Variants in ATXN1 observed in about 807,000 individuals in gnomAD.
ATXN1 encodes the protein ataxin 1.
In ATXN1, 8 loss-of-function variants were observed where a neutral mutation model predicts 56.4. The ratio of observed to expected loss-of-function variants is 0.14; its 90% CI spans 0.08 to 0.26. ATXN1 has a LOEUF of 0.26. Ranked by LOEUF, ATXN1 falls within the 10% of genes least tolerant of loss-of-function variation. ATXN1 has a pLI of 1.00. For missense variants in ATXN1, 987 were observed against 1,106.5 expected, an observed-to-expected ratio of 0.89 and a Z score of 1.53; for synonymous variants, 514 against 494.6, an observed-to-expected ratio of 1.04 and a Z score of -0.52.
chr6:16,414,669 G>A (rs1444463042), intron 6 of ATXN1, among the ~76,000 whole-genome samples: 1 of 152,130 alleles, frequency 6.6e-6, no homozygotes, highest in Non-Finnish European at 1.5e-5. Context: ...GCTAAACCCA[G>A]TAGAGCCTCT....
At chr6:16,590,981 T>C (rs1361458766) in intron 3 of ATXN1, among the ~76,000 whole-genome samples, 1 of 152,112 alleles carries the variant, frequency 6.6e-6, no homozygotes, top group African/African-American at 2.4e-5. Context: ...TAGCTGGGAT[T>C]ACAGGCATGC....
At chr6:16,654,268 G>A (rs1168186319) in intron 3 of ATXN1, among the ~76,000 whole-genome samples, 5 of 152,116 alleles carry the variant, frequency 3.3e-5, no homozygotes, top group Non-Finnish European at 5.9e-5. Context: ...GCTCAGGGCC[G>A]GGCGCAGTGG....
At chr6:16,379,324 T>G (rs1762205434) in intron 6 of ATXN1, among the ~76,000 whole-genome samples, 1 of 152,132 alleles carries the variant, frequency 6.6e-6, no homozygotes, top group African/African-American at 2.4e-5. Flanking sequence ...ACTGCTCAGG[T>G]GATGGGTGCA....
chr6:16,324,749 C>G (rs953145428), intron 7 of ATXN1, among the ~76,000 whole-genome samples: 1 of 152,170 alleles, frequency 6.6e-6, no homozygotes, highest in South Asian at 2.1e-4. Context: ...ATCTAAGAAC[C>G]TGGAAAAGGG....
chr6:16,527,070 CA>C (rs1761410557), intron 4 of ATXN1, among the ~76,000 whole-genome samples: 1 of 148,842 alleles, frequency 6.7e-6, no homozygotes, highest in South Asian at 2.2e-4. Context: ...TAGAAGGTAT[CA>C]AAAATTAAAA....
intron 2 of ATXN1, among the ~76,000 whole-genome samples, chr6:16,726,631 G>A (rs890578643): frequency 1.4e-4 from 21 of 151,854 alleles, no homozygotes; most frequent in Non-Finnish European, 2.8e-4. Context: ...TTGGGAGGCC[G>A]AGGCGGGTGG....
At chr6:16,519,086 C>T (rs974546659) in intron 5 of ATXN1, among the ~76,000 whole-genome samples, 21 of 152,088 alleles carry the variant, frequency 1.4e-4, no homozygotes, top group Non-Finnish European at 2.4e-4. Context: ...ATAACGTTGT[C>T]GTGAACAAAT....
At chr6:16,757,408 A>G (rs1231837741) in intron 1 of ATXN1, among the ~76,000 whole-genome samples, 1 of 152,248 alleles carries the variant, frequency 6.6e-6, no homozygotes, top group African/African-American at 2.4e-5. Context: ...AATAGAATCC[A>G]GGACCTCCAA....
intron 7 of ATXN1, among the ~76,000 whole-genome samples, chr6:16,319,725 G>A (rs1760600313): frequency 6.6e-6 from 1 of 152,160 alleles, no homozygotes; most frequent in Non-Finnish European, 1.5e-5. Context: ...ACCTAAAACT[G>A]CTTTAAACAA....
In ATXN1 at chr6:16,553,941, C is replaced by G. The variant is rs57917864; in HGVS notation, c.-360-31253G>C. ...AAGGCAGTATAGGCAAAGCCTAAAGCATTTAGGGGTGGGAACAGTTATCCC... is the reference window on the plus strand; with the variant it reads ...AAGGCAGTATAGGCAAAGCCTAAAGGATTTAGGGGTGGGAACAGTTATCCC... On this transcript the variant is annotated intron_variant, in intron 4 of 7. Transcript: ENST00000436367. Among the ~76,000 whole-genome samples the G allele has an allele frequency of 1.0e-3, 156 of 152,252 alleles. 1 individual carries two copies. Among genetic ancestry groups the G allele is most frequent in the African/African-American group, 3.6e-3 (150 of 41,562 alleles).
At chr6:16,685,964 GT>G (rs1758909274) in intron 2 of ATXN1, among the ~76,000 whole-genome samples, 1 of 151,992 alleles carries the variant, frequency 6.6e-6, no homozygotes, top group African/African-American at 2.4e-5. Flanking sequence ...GATTAATATG[GT>G]TTCATATATT....
intron 2 of ATXN1, among the ~76,000 whole-genome samples, chr6:16,694,893 C>T (rs1287143324): frequency 6.6e-6 from 1 of 152,198 alleles, no homozygotes; most frequent in Non-Finnish European, 1.5e-5. Context: ...AACTTCCCTC[C>T]TGTTCTTAGT....
intron 3 of ATXN1, among the ~76,000 whole-genome samples, chr6:16,596,869 A>T (rs1164236869): frequency 6.6e-6 from 1 of 152,156 alleles, no homozygotes; most frequent in Non-Finnish European, 1.5e-5. Context: ...CATTTACTAT[A>T]AGATCTTGCA....
At position 16,347,960 on chromosome 6, in the gene ATXN1, G is replaced by A. The variant is rs369175516; in HGVS notation, c.-160-19490C>T. Among the ~76,000 whole-genome samples, 22 of 152,272 alleles carry A rather than the reference G, an allele frequency of 1.4e-4. No individual in the cohort carries two copies. The East Asian group carries it at 1.7e-3, about 12-fold the overall frequency. The stretch of plus-strand genomic sequence containing the variant: ...GCCTGTATGAGCTATAACACTCACC[G>A]GAAAGGTCTGCAGCTTCATTCCTGA... On this transcript the variant is annotated intron_variant, in intron 6 of 7. Coordinates refer to ENST00000436367, the MANE Select transcript of ATXN1 (RefSeq NM_001128164.2).
chr6:16,441,031 G>C (rs746413884), intron 6 of ATXN1, among the ~76,000 whole-genome samples: 2 of 152,132 alleles, frequency 1.3e-5, no homozygotes, highest in East Asian at 1.9e-4. Flanking sequence ...ACGGTCAGCA[G>C]GGTGGTGAGC....
chr6:16,307,291 C>T (rs758344190), intron 7 of ATXN1, among the ~76,000 whole-genome samples: 6 of 152,166 alleles, frequency 3.9e-5, no homozygotes, highest in Non-Finnish European at 7.3e-5. Flanking sequence ...TCATACAGGA[C>T]AGGACTAAAC....
chr6:16,374,292 G>T (rs1478706618), intron 6 of ATXN1, among the ~76,000 whole-genome samples: 2 of 152,190 alleles, frequency 1.3e-5, no homozygotes, highest in African/African-American at 2.4e-5. Flanking sequence ...AAGCTAGAGG[G>T]TTTATTAGAA....
intron 6 of ATXN1, among the ~76,000 whole-genome samples, chr6:16,390,709 C>T (rs1041354686): frequency 3.3e-5 from 5 of 151,852 alleles, no homozygotes; most frequent in Admixed American, 6.6e-5. Context: ...CACACACACG[C>T]ATGCACACAA....
intron 6 of ATXN1, among the ~76,000 whole-genome samples, chr6:16,343,957 A>G (rs1761316376): frequency 6.6e-6 from 1 of 152,110 alleles, no homozygotes; most frequent in Non-Finnish European, 1.5e-5. Flanking sequence ...GCTCCTCCGC[A>G]AGGCACTGTC....
Sources: gnomAD v4.1 joint callset for allele counts (sites outside exome capture counted in the v4.1 genomes callset) on GRCh38, gnomAD v4.1.1 for gene constraint, MANE v1.5 for transcripts, NCBI Gene and HGNC (gene_info 2026-07-23, HGNC 2026-07-21) for gene names.